RASSF8: variants seen among roughly 807,000 people sequenced by gnomAD.
RASSF8 encodes the protein ras association domain-containing protein 8.
RASSF8 carries 22 observed loss-of-function variants against 48.5 expected under a neutral mutation model. The observed-to-expected ratio is 0.45, with a 90% CI of 0.32 to 0.65. RASSF8 has a LOEUF of 0.65. Ranked by LOEUF, RASSF8 falls within the 30% of genes least tolerant of loss-of-function variation. The pLI, the probability that RASSF8 is intolerant of heterozygous loss-of-function variation, is 0.03. For missense variants in RASSF8, 418 were observed against 489.2 expected, an observed-to-expected ratio of 0.85 and a Z score of 1.37; for synonymous variants, 127 against 171.5, an observed-to-expected ratio of 0.74 and a Z score of 2.03.
intron 1 of RASSF8, among the ~76,000 whole-genome samples, chr12:25,978,903 T>C (rs554411463): frequency 6.6e-6 from 1 of 152,186 alleles, no homozygotes; most frequent in South Asian, 2.1e-4. Flanking sequence ...TTGCCCACTA[T>C]TGGATGTTAG....
intron 4 of RASSF8, among the ~76,000 whole-genome samples, chr12:26,066,588 C>G (rs1007717152): frequency 2.0e-5 from 3 of 152,148 alleles, no homozygotes; most frequent in Non-Finnish European, 4.4e-5. Context: ...AAAAAAGGTA[C>G]AAGTGGAAGT....
At chr12:26,038,003 T>G (rs951113209) in intron 2 of RASSF8, among the ~76,000 whole-genome samples, 1 of 152,250 alleles carries the variant, frequency 6.6e-6, no homozygotes, top group East Asian at 1.9e-4. Flanking sequence ...TGTGTGTATT[T>G]GCACGGCATC....
intron 1 of RASSF8, among the ~76,000 whole-genome samples, chr12:25,973,546 C>T (rs1400776160): frequency 6.6e-6 from 1 of 152,116 alleles, no homozygotes; most frequent in Non-Finnish European, 1.5e-5. Flanking sequence ...GACAGACTGC[C>T]AGACAGTGAG....
chr12:26,077,300 C>T (rs891746016), downstream of RASSF8, among the ~76,000 whole-genome samples: 6 of 152,098 alleles, frequency 3.9e-5, no homozygotes, highest in Non-Finnish European at 8.8e-5. Flanking sequence ...CTTTTGTTGC[C>T]ATTGCTTTTG....
intron 1 of RASSF8, among the ~76,000 whole-genome samples, chr12:25,981,955 A>C (rs756217144): frequency 1.7e-4 from 26 of 152,228 alleles, no homozygotes; most frequent in Admixed American, 1.5e-3. Flanking sequence ...ATGTTTCTTA[A>C]TAATCGTCCT....
At position 26,003,798 on chromosome 12, in the gene RASSF8, T is replaced by C. The variant is rs377422413; in HGVS notation, c.-109+8668T>C. Among the ~76,000 whole-genome samples the C allele has an allele frequency of 2.2e-4, 34 of 152,228 alleles. 1 individual carries two copies. The South Asian group carries it at 6.8e-3, about 31-fold the overall frequency. On this transcript the variant is annotated intron_variant, in intron 2 of 5. Transcript: ENST00000689635. ...ATTATATTTTTAAAAAAATCTAAGG[T>C]TGACCTGATGTCTATGATTTCATTA... is the stretch of plus-strand genomic sequence containing the variant.
At chr12:25,966,396 G>C (rs1303374347) in intron 1 of RASSF8, among the ~76,000 whole-genome samples, 2 of 152,094 alleles carry the variant, frequency 1.3e-5, no homozygotes, top group Non-Finnish European at 2.9e-5. Context: ...ATTTTGTAGA[G>C]ATGAGGTCTT....
At chr12:26,014,022 A>G (rs1565618803) in intron 2 of RASSF8, among the ~76,000 whole-genome samples, 1 of 152,210 alleles carries the variant, frequency 6.6e-6, no homozygotes, top group Non-Finnish European at 1.5e-5. Context: ...GGTTTGAGGA[A>G]TATGAGAGTG....
intron 1 of RASSF8, chr12:25,959,716 A>G (rs1941184176): frequency 6.6e-6 from 1 of 151,076 alleles, no homozygotes; most frequent in African/African-American, 2.5e-5. Flanking sequence ...TTGAGAGGGT[A>G]AATCGCACAA....
intron 2 of RASSF8, among the ~76,000 whole-genome samples, chr12:26,029,813 C>T (rs915793071): frequency 2.0e-5 from 3 of 152,124 alleles, no homozygotes; most frequent in South Asian, 2.1e-4. Flanking sequence ...CTATGACGTC[C>T]GAGTTATACT....
At chr12:25,981,740 T>C (rs1239932509) in intron 1 of RASSF8, among the ~76,000 whole-genome samples, 4 of 152,228 alleles carry the variant, frequency 2.6e-5, no homozygotes, top group African/African-American at 7.2e-5. Flanking sequence ...GGCTAAACCT[T>C]AGAATGACTC....
intron 2 of RASSF8, among the ~76,000 whole-genome samples, chr12:26,024,601 G>T (rs1328191836): frequency 6.6e-6 from 1 of 152,194 alleles, no homozygotes; most frequent in Non-Finnish European, 1.5e-5. Flanking sequence ...GTATAAAAAT[G>T]ACTGTACACT....
chr12:25,994,795 T>C (rs776449726), intron 1 of RASSF8, among the ~76,000 whole-genome samples: 2 of 152,102 alleles, frequency 1.3e-5, no homozygotes, highest in Non-Finnish European at 2.9e-5. Context: ...CAACTGAAAT[T>C]CCTTTTTCAA....
intron 2 of RASSF8, among the ~76,000 whole-genome samples, chr12:26,026,382 A>G (rs1473671811): frequency 6.6e-6 from 1 of 152,228 alleles, no homozygotes; most frequent in Non-Finnish European, 1.5e-5. Context: ...CTTCAGAGAA[A>G]TGAAAATGAA....
chr12:25,992,805 C>T (rs571875836), intron 1 of RASSF8, among the ~76,000 whole-genome samples: 1 of 152,318 alleles, frequency 6.6e-6, no homozygotes, highest in South Asian at 2.1e-4. Flanking sequence ...TCTTGTTTCT[C>T]ATTGCCTTCC....
chr12:25,966,236 T>C (rs1190738651), intron 1 of RASSF8, among the ~76,000 whole-genome samples: 1 of 152,212 alleles, frequency 6.6e-6, no homozygotes, highest in Non-Finnish European at 1.5e-5. Context: ...GGTATTTTAT[T>C]GTGGGTTTTT....
At chr12:26,062,418 A>G (rs1943763775) in intron 3 of RASSF8, among the ~76,000 whole-genome samples, 1 of 152,210 alleles carries the variant, frequency 6.6e-6, no homozygotes. Flanking sequence ...AATATTATCT[A>G]GCACTTTTCA....
At chr12:25,967,986 C>T (rs967373406) in intron 1 of RASSF8, among the ~76,000 whole-genome samples, 2 of 152,340 alleles carry the variant, frequency 1.3e-5, no homozygotes, top group East Asian at 1.9e-4. Flanking sequence ...TCCTCTCTCC[C>T]GAATTCAGTC....
At chr12:25,995,548 A>G (rs1942113181) in intron 2 of RASSF8, among the ~76,000 whole-genome samples, 1 of 152,200 alleles carries the variant, frequency 6.6e-6, no homozygotes, top group South Asian at 2.1e-4. Context: ...CTTGATGGCT[A>G]ACTAGTTTTT....
Sources: allele counts gnomAD v4.1 joint callset (sites outside exome capture counted in the v4.1 genomes callset), GRCh38; gene constraint gnomAD v4.1.1; transcripts MANE v1.5; gene names NCBI Gene and HGNC (gene_info 2026-07-23, HGNC 2026-07-21).